DIP2C: variants seen among roughly 807,000 people sequenced by gnomAD.
DIP2C encodes the protein disco-interacting protein 2 homolog C.
DIP2C carries 33 observed loss-of-function variants against 192.4 expected under a neutral mutation model. The ratio of observed to expected loss-of-function variants is 0.17; its 90% confidence interval spans 0.13 to 0.23. DIP2C has a LOEUF of 0.23. Among genes scored for constraint, DIP2C ranks in the 10% least tolerant of loss-of-function variants. The pLI, the probability that DIP2C is intolerant of heterozygous loss-of-function variation, is 1.00. For synonymous variants in DIP2C, 979 were observed against 864.1 expected, an observed-to-expected ratio of 1.13 and a Z score of -2.33; for missense variants, 1,537 against 2,110.1, an observed-to-expected ratio of 0.73 and a Z score of 5.32.
At chr10:617,046 C>T (rs750862402) in intron 1 of DIP2C, among the ~76,000 whole-genome samples, 4 of 152,140 alleles carry the variant, frequency 2.6e-5, no homozygotes, top group Non-Finnish European at 4.4e-5. Context: ...TGGCTAAGGG[C>T]CAAGGTTAGG....
At chr10:592,836 T>TC (rs1175432613) in intron 1 of DIP2C, among the ~76,000 whole-genome samples, 2 of 151,522 alleles carry the variant, frequency 1.3e-5, no homozygotes, top group Non-Finnish European at 2.9e-5. Context: ...GTACGAGCCG[T>TC]CCCTGCTCGT....
rs1051481998 is a variant in DIP2C, at chr10:652,393, G to C, written c.85+37101C>G. ...AGTCCCGGGGTGGGGTGGCGGGGGG[G>C]CGCACTGTGCACCCTCCCAGCTCTC... is the stretch of plus-strand genomic sequence containing the variant. On this transcript the variant is annotated intron_variant, in intron 1 of 36. Coordinates refer to ENST00000280886, the MANE Select transcript of DIP2C (RefSeq NM_014974.3). This position sits in a 1 kb window ranked among gnomAD's most constrained non-coding sequence, Gnocchi z 4.5. 3 of 172,742 alleles carry C rather than the reference G, an allele frequency of 1.7e-5. No individual in the cohort carries two copies. Among genetic ancestry groups the C allele is most frequent in the African/African-American group, 7.2e-5 (3 of 41,578 alleles). The allele number at this position is 172,742 out of a possible 1,614,324, so 10.7% of individuals were successfully genotyped here. A position where few individuals can be genotyped will look rare whatever the true frequency, so the allele number is the denominator to read the frequency against.
chr10:529,000 C>G (rs1042510493), intron 1 of DIP2C, among the ~76,000 whole-genome samples: 3 of 152,198 alleles, frequency 2.0e-5, no homozygotes, highest in African/African-American at 7.2e-5. Flanking sequence ...AGACACCTGA[C>G]GGGGATGGTG....
At chr10:619,309 T>C (rs759944238) in intron 1 of DIP2C, among the ~76,000 whole-genome samples, 16 of 152,314 alleles carry the variant, frequency 1.1e-4, no homozygotes, top group East Asian at 1.9e-4. Context: ...TTCTGGAAAC[T>C]GGAATCCAAA....
At chr10:378,679 GAACA>G (rs1375813648) in intron 17 of DIP2C, among the ~76,000 whole-genome samples, 141 of 150,652 alleles carry the variant, frequency 9.4e-4, no homozygotes, top group African/African-American at 2.9e-3. Flanking sequence ...AGGCACACAT[GAACA>G]GACATGCATA....
intron 4 of DIP2C, among the ~76,000 whole-genome samples, chr10:425,598 C>T (rs1390073394): frequency 6.8e-6 from 1 of 147,224 alleles, no homozygotes; most frequent in Non-Finnish European, 1.5e-5. Flanking sequence ...GAAATGGATG[C>T]AGCATGACCA....
At chr10:510,479 G>A (rs897685015) in intron 1 of DIP2C, among the ~76,000 whole-genome samples, 3 of 152,210 alleles carry the variant, frequency 2.0e-5, no homozygotes, top group African/African-American at 7.2e-5. Flanking sequence ...GCTCTTTCCC[G>A]CCTGGGGTTC....
intron 1 of DIP2C, among the ~76,000 whole-genome samples, chr10:619,549 A>ACCCTCCCGCCCTCCCG (rs1297454647): frequency 6.9e-5 from 1 of 14,574 alleles, no homozygotes; most frequent in Non-Finnish European, 1.6e-4. Context: ...CCGCCCTCCC[A>ACCCTCCCGCCCTCCCG]CCCAGCTCCT....
intron 10 of DIP2C, among the ~76,000 whole-genome samples, chr10:396,423 C>T (rs1297892139): frequency 6.6e-6 from 1 of 152,190 alleles, no homozygotes; most frequent in African/African-American, 2.4e-5. Flanking sequence ...TACACTTTAA[C>T]ATGGATAAAT....
intron 1 of DIP2C, among the ~76,000 whole-genome samples, chr10:617,877 T>C (rs1240232642): frequency 6.6e-6 from 1 of 152,056 alleles, no homozygotes; most frequent in Non-Finnish European, 1.5e-5. Flanking sequence ...AGGGCACTCA[T>C]CTGTTCCTTA....
At chr10:525,229 A>T (rs1317471686) in intron 1 of DIP2C, among the ~76,000 whole-genome samples, 5 of 152,182 alleles carry the variant, frequency 3.3e-5, no homozygotes, top group Non-Finnish European at 2.9e-5. Context: ...CAAAATTTCT[A>T]AAGCTCCTAA....
At chr10:353,938 G>T (rs967497774) in intron 24 of DIP2C, among the ~76,000 whole-genome samples, 1 of 152,222 alleles carries the variant, frequency 6.6e-6, no homozygotes, top group Non-Finnish European at 1.5e-5. Context: ...GCTGAACAGG[G>T]AAGCTGATTT....
chr10:417,696 GTGCCTGTCGGCT>G lies in DIP2C; in HGVS notation c.739+1357_739+1368del, dbSNP rs1965774490. 5.2e-5 allele frequency among the ~76,000 whole-genome samples: 7 copies of G among 135,486 alleles called. 1 individual carries two copies. The highest frequency in any genetic ancestry group is 2.0e-4 in the African/African-American group (7 of 34,640). 88.9% of individuals were successfully genotyped at this position (135,486 alleles called of 152,430 possible). A position where few individuals can be genotyped will look rare whatever the true frequency, so the allele number is the denominator to read the frequency against. ...CTCGGATAGGCCTCCCTGTCCGCCTGTGCCTGTCGGCTCAAATAGGCCTCCCTGTCTGCCTGC... is the reference window on the plus strand; with the variant it reads ...CTCGGATAGGCCTCCCTGTCCGCCTGCAAATAGGCCTCCCTGTCTGCCTGC... On this transcript the variant is annotated intron_variant, in intron 6 of 36. Coordinates refer to ENST00000280886, the MANE Select transcript of DIP2C (RefSeq NM_014974.3).
At chr10:426,862 A>G (rs1966628637) in intron 4 of DIP2C, among the ~76,000 whole-genome samples, 1 of 152,162 alleles carries the variant, frequency 6.6e-6, no homozygotes, top group African/African-American at 2.4e-5. Flanking sequence ...CAAACAAACA[A>G]AAATCCCACT....
At chr10:449,793 AAAAAAG>A (rs983778579) in intron 3 of DIP2C, among the ~76,000 whole-genome samples, 1 of 140,756 alleles carries the variant, frequency 7.1e-6, no homozygotes, top group Admixed American at 6.7e-5. Flanking sequence ...AAAAAAAAAA[AAAAAAG>A]AAGTAAACAC....
At chr10:530,532 C>T (rs1206397517) in intron 1 of DIP2C, among the ~76,000 whole-genome samples, 2 of 151,406 alleles carry the variant, frequency 1.3e-5, no homozygotes, top group African/African-American at 4.9e-5. Context: ...AAAAACATGG[C>T]TGTAGGCTGG....
chr10:570,480 A>AT (rs1849720587), intron 1 of DIP2C, among the ~76,000 whole-genome samples: 1 of 151,988 alleles, frequency 6.6e-6, no homozygotes, highest in African/African-American at 2.4e-5. Context: ...CATGACCCAC[A>AT]TCTCTCCACC....
rs1229361083 is a variant in DIP2C, at chr10:281,233, G to A, written c.4385C>T (p.Ser1462Leu). The A allele has an allele frequency of 1.9e-6, 3 of 1,614,140 alleles. No individual in the cohort carries two copies. The highest frequency in any genetic ancestry group is 2.5e-6 in the Non-Finnish European group (3 of 1,180,030). The change falls in exon 36 of 37, where the codon TCG (serine) becomes TTG (leucine). Residue 1462 changes from serine to leucine, a missense_variant. Ser to Leu is a moderately radical substitution (Grantham distance 145). Around this residue, in one of 4 missense-constraint regions of DIP2C, gnomAD observed 341 missense variants for 551.7 expected, o/e 0.62. Coordinates refer to ENST00000280886, the MANE Select transcript of DIP2C (RefSeq NM_014974.3). ...AACGCTTTTATGGGCTCTGATGACC[G>A]AGGTCTCAATGTCGATTGGGTGGTA... ...MRYHPIDIET[S>L]VIRAHKSVTE...
chr10:364,585 G>A lies in DIP2C; in HGVS notation c.2269-3C>T, dbSNP rs747727019. 1 of 1,613,068 alleles carries A rather than the reference G, an allele frequency of 6.2e-7. No homozygotes were observed. Among genetic ancestry groups the A allele is most frequent in the Non-Finnish European group, 8.5e-7 (1 of 1,179,206 alleles). ...CCGGAGCTTGTCATGGGAAACACCTGGGGGAAACAGCATCCATCAGGCCAC... is the reference window on the plus strand; with the variant it reads ...CCGGAGCTTGTCATGGGAAACACCTAGGGGAAACAGCATCCATCAGGCCAC... On this transcript the variant is annotated splice_polypyrimidine_tract_variant and splice_region_variant and intron_variant, in intron 19 of 36. Transcript: ENST00000280886.
Sources: allele counts gnomAD v4.1 joint callset (sites outside exome capture counted in the v4.1 genomes callset), GRCh38; gene constraint gnomAD v4.1.1; regional missense constraint gnomAD v4.1.1; non-coding constraint Gnocchi (gnomAD v3.1); transcripts MANE v1.5; gene names NCBI Gene and HGNC (gene_info 2026-07-23, HGNC 2026-07-21).